RIMS3: variants seen among roughly 807,000 people sequenced by gnomAD.
RIMS3 encodes regulating synaptic membrane exocytosis 3.
RIMS3 carries 15 observed loss-of-function variants against 29.2 expected under a neutral mutation model. The ratio of observed to expected loss-of-function variants is 0.51; its 90% CI spans 0.34 to 0.79. The LOEUF (loss-of-function observed/expected upper bound fraction) is 0.79, where lower values mean the gene tolerates loss of function less well. Ranked by LOEUF, RIMS3 falls within the 30% of genes least tolerant of loss-of-function variation. The probability of loss-of-function intolerance (pLI) is 0.01; values close to 1 mark genes in which losing one functional copy is unlikely to be tolerated. For synonymous variants in RIMS3, 161 were observed against 170.1 expected (o/e 0.95, Z 0.41); for missense variants, 342 against 421.4 (o/e 0.81, Z 1.65).
At chr1:40,668,500 G>GGGGGGGGGGGGGGGGGGGGGGAGGA (rs1642453833), upstream of RIMS3, among the ~76,000 whole-genome samples, 1 of 134,268 alleles carries the variant, frequency 7.4e-6, no homozygotes, top group African/African-American at 2.7e-5. Flanking sequence ...GCGGGGGGGG[G>GGGGGGGGGGGGGGGGGGGGGGAGGA]GGGGTTGGTG....
chr1:40,652,334 A>C (rs1463956388), intron 1 of RIMS3, among the ~76,000 whole-genome samples: 1 of 152,218 alleles, frequency 6.6e-6, no homozygotes, highest in African/African-American at 2.4e-5. Flanking sequence ...TCACAGGTGG[A>C]GCCTGAGACT....
At chr1:40,645,936 T>C (rs1048476661) in intron 2 of RIMS3, among the ~76,000 whole-genome samples, 7 of 152,080 alleles carry the variant, frequency 4.6e-5, no homozygotes, top group Admixed American at 4.6e-4. Context: ...TGCAGGCCAC[T>C]CCCCAAGGGG....
rs1200274013 is a variant in RIMS3 at position 40,636,358 on chromosome 1, C to A, written c.218-301G>T. Among the ~76,000 whole-genome samples, 1 of 152,178 alleles carries A rather than the reference C, an allele frequency of 6.6e-6. No homozygotes were observed. Among genetic ancestry groups the A allele is most frequent in the Non-Finnish European group, 1.5e-5 (1 of 68,022 alleles). ...TCCGCAGCTGGGGCCCTCGCCTCAC[C>A]CTCATCAGGCTCCCCTGACGCCCAC... On this transcript the variant is annotated intron_variant, in intron 3 of 7. Coordinates refer to ENST00000372684, the MANE Select transcript of RIMS3 (RefSeq NM_014747.3). This position sits in a 1 kb window ranked among gnomAD's most constrained non-coding sequence, Gnocchi z 4.2.
At chr1:40,651,941 A>G (rs1156528550) in intron 1 of RIMS3, among the ~76,000 whole-genome samples, 1 of 152,206 alleles carries the variant, frequency 6.6e-6, no homozygotes, top group Admixed American at 6.5e-5. Flanking sequence ...AAGTTCTTCT[A>G]TCTGCTTGAT....
chr1:40,636,736 C>T lies in RIMS3; in HGVS notation c.218-679G>A, dbSNP rs1353665862. ...CTTTGAGAAAAGGTCTGCAGAAGAA[C>T]CCCGAAGCTGGCCTGTGAGAACTTA... On this transcript the variant is annotated intron_variant, in intron 3 of 7. Coordinates refer to ENST00000372684, the MANE Select transcript of RIMS3 (RefSeq NM_014747.3). The surrounding 1 kb of genome is among the most constrained non-coding windows in gnomAD (Gnocchi z 4.2). 6.6e-6 allele frequency among the ~76,000 whole-genome samples: 1 copy of T among 152,216 alleles called. No individual in the cohort carries two copies. Among genetic ancestry groups the T allele is most frequent in the Admixed American group, 6.5e-5 (1 of 15,284 alleles).
At chr1:40,676,259 C>A in the RIMS3 span, among the ~76,000 whole-genome samples, 1 of 152,204 alleles carries the variant, frequency 6.6e-6, no homozygotes, top group Admixed American at 6.5e-5. Context: ...CTCGGTCTGA[C>A]TAGATTGTCT....
Position 40,623,449 on chromosome 1 carries a change from C to T in RIMS3, c.*3068G>A. The T allele has an allele frequency of 2.5e-6, 1 of 398,706 alleles. No individual in the cohort carries two copies. Among genetic ancestry groups the T allele is most frequent in the Non-Finnish European group, 4.4e-6 (1 of 226,126 alleles). The allele number at this position is 398,706 out of a possible 1,614,324, so 24.7% of individuals were successfully genotyped here. On this transcript the variant is annotated 3_prime_UTR_variant, in exon 8 of 8. Transcript: ENST00000372684. ...AGTCATCCATCACTGTCCCTGCCCA[C>T]AACCCAACATCACTGCAGGGCCACT...
At chr1:40,644,551 A>G (rs1417034673) in intron 2 of RIMS3, among the ~76,000 whole-genome samples, 1 of 152,210 alleles carries the variant, frequency 6.6e-6, no homozygotes, top group Non-Finnish European at 1.5e-5. Flanking sequence ...AATGATGGTT[A>G]CACTAAGTGC....
intron 2 of RIMS3, among the ~76,000 whole-genome samples, chr1:40,642,460 C>A (rs1349987055): frequency 6.6e-6 from 1 of 152,124 alleles, no homozygotes. Flanking sequence ...AGAACTGGCT[C>A]CAGCCTGTGC....
At chr1:40,691,638 T>G in the RIMS3 span, 2 of 428,624 alleles carry the variant, frequency 4.7e-6, no homozygotes, top group Non-Finnish European at 9.4e-6. Context: ...GAGCACAGCT[T>G]CTGCGCACCG....
chr1:40,650,810 G>A (rs907807057), intron 1 of RIMS3, among the ~76,000 whole-genome samples: 1 of 138,436 alleles, frequency 7.2e-6, no homozygotes, highest in Non-Finnish European at 1.5e-5. Context: ...AAGTTGTAGT[G>A]AGCCGAGATT....
chr1:40,682,525 T>C, the RIMS3 span, among the ~76,000 whole-genome samples: 15 of 152,060 alleles, frequency 9.9e-5, no homozygotes, highest in Non-Finnish European at 1.8e-4. Context: ...GCTCCCCATG[T>C]GACCAAGAGG....
chr1:40,647,303 C>A (rs376306571), intron 2 of RIMS3, among the ~76,000 whole-genome samples: 2 of 151,980 alleles, frequency 1.3e-5, no homozygotes, highest in South Asian at 2.1e-4. Context: ...CTGGAAGGGA[C>A]TGCAAATAAC....
chr1:40,645,632 G>A (rs1358316942), intron 2 of RIMS3, among the ~76,000 whole-genome samples: 2 of 152,184 alleles, frequency 1.3e-5, no homozygotes, highest in Non-Finnish European at 2.9e-5. Context: ...AGTTAGGGCA[G>A]TAGAAATCCC....
Position 40,626,325 on chromosome 1 carries a change from TACACACAC to T in RIMS3, c.*184_*191del, listed in dbSNP as rs148325884. The T allele has an allele frequency of 5.7e-5, 34 of 599,442 alleles. No individual in the cohort carries two copies. The African/African-American group carries it at 6.1e-4, about 11-fold the overall frequency. The allele number at this position is 599,442 out of a possible 1,614,324, so 37.1% of individuals were successfully genotyped here. On this transcript the variant is annotated 3_prime_UTR_variant, in exon 8 of 8. Coordinates refer to ENST00000372684, the MANE Select transcript of RIMS3 (RefSeq NM_014747.3). Reference sequence around the variant, plus strand: ...AATGAACAGATAGAACGTGGTCACGTACACACACACACACACGCACGCACACACGCACA... The same window carrying T: ...AATGAACAGATAGAACGTGGTCACGTACACACACGCACGCACACACGCACA...
rs1162529920 is a variant in RIMS3, at chr1:40,635,049, A to C, written c.359+867T>G. On this transcript the variant is annotated intron_variant, in intron 4 of 7. Coordinates refer to ENST00000372684, the MANE Select transcript of RIMS3 (RefSeq NM_014747.3). The surrounding 1 kb of genome is among the most constrained non-coding windows in gnomAD (Gnocchi z 4.1). The stretch of plus-strand genomic sequence containing the variant: ...TCTGAGATGCCCAGGCATGCTCTGC[A>C]CCTGGGAAGATGTAATAAATGCTTG... 6.6e-6 allele frequency among the ~76,000 whole-genome samples: 1 copy of C among 152,132 alleles called. No individual in the cohort carries two copies. Among genetic ancestry groups the C allele is most frequent in the Non-Finnish European group, 1.5e-5 (1 of 68,022 alleles).
At chr1:40,644,620 A>G (rs929562480) in intron 2 of RIMS3, among the ~76,000 whole-genome samples, 8 of 152,218 alleles carry the variant, frequency 5.3e-5, no homozygotes, top group Non-Finnish European at 7.3e-5. Context: ...GCAGGAGTCC[A>G]TGGCTCTGTT....
chr1:40,684,913 A>C, the RIMS3 span, among the ~76,000 whole-genome samples: 1 of 152,148 alleles, frequency 6.6e-6, no homozygotes, highest in South Asian at 2.1e-4. Flanking sequence ...GTGGTGTTTC[A>C]TCAGGGTCTG....
chr1:40,628,670 G>A (rs1036679346), intron 7 of RIMS3, 140 bp downstream of exon 7: 42 of 1,171,684 alleles, frequency 3.6e-5, no homozygotes, highest in Non-Finnish European at 5.1e-5. Flanking sequence ...ATACCTCACA[G>A]GGTTGTGAAA....
Sources: gnomAD v4.1 joint callset for allele counts (sites outside exome capture counted in the v4.1 genomes callset) on GRCh38, gnomAD v4.1.1 for gene constraint, Gnocchi (gnomAD v3.1) non-coding constraint, MANE v1.5 for transcripts, NCBI Gene and HGNC (gene_info 2026-07-23, HGNC 2026-07-21) for gene names.